SS18L1: variants seen among roughly 807,000 people sequenced by gnomAD.
SS18L1 encodes the protein calcium-responsive transactivator.
A neutral mutation model predicts 70.3 loss-of-function variants in SS18L1; 32 were observed. That is an observed-to-expected ratio of 0.46 (90% confidence interval 0.34 to 0.61). The LOEUF is 0.61. Ranked by LOEUF, SS18L1 falls within the 20% of genes least tolerant of loss-of-function variation. The probability of loss-of-function intolerance (pLI) is 0.01; values close to 1 mark genes in which losing one functional copy is unlikely to be tolerated. For synonymous variants in SS18L1, 237 were observed against 229.7 expected (o/e 1.03, Z -0.29); for missense variants, 430 against 542.1 (o/e 0.79, Z 2.05).
At chr20:62,154,232 C>T (rs2057182819) in intron 1 of SS18L1, 4 of 743,176 alleles carry the variant, frequency 5.4e-6, no homozygotes, top group Non-Finnish European at 6.7e-6. Context: ...GGGACCATGT[C>T]TGTTGAGAAC....
intron 1 of SS18L1, chr20:62,154,211 G>A (rs1331931496): frequency 3.6e-6 from 2 of 557,460 alleles, no homozygotes; most frequent in Non-Finnish European, 4.7e-6. Flanking sequence ...AAGGATTACT[G>A]GAAGGACCCT....
At position 62,180,507 on chromosome 20, in the gene SS18L1, C is replaced by T. The variant is rs2057689850; in HGVS notation, c.*1299C>T. The T allele has an allele frequency of 5.5e-6, 1 of 180,834 alleles. No individual in the cohort carries two copies. The highest frequency in any genetic ancestry group is 6.3e-5 in the Admixed American group (1 of 15,918). 11.2% of individuals were successfully genotyped at this position (180,834 alleles called of 1,614,324 possible). On this transcript the variant is annotated 3_prime_UTR_variant, in exon 11 of 11. Transcript: ENST00000331758. ...CTTTGGATAAATGCTGACAGATTTC[C>T]AAGAACTACCAAGAAAATACAAGAG... is the stretch of plus-strand genomic sequence containing the variant.
At chr20:62,173,292 C>G (rs1018156171) in intron 9 of SS18L1, among the ~76,000 whole-genome samples, 2 of 152,174 alleles carry the variant, frequency 1.3e-5, no homozygotes, top group Admixed American at 6.6e-5. Context: ...TGCCCCAGGT[C>G]TTTTGTTGGA....
intron 7 of SS18L1, among the ~76,000 whole-genome samples, chr20:62,165,175 C>T (rs2057404548): frequency 6.6e-6 from 1 of 152,256 alleles, no homozygotes; most frequent in Non-Finnish European, 1.5e-5. Flanking sequence ...ACTGAAAGCG[C>T]TGATCCTCTG....
At position 62,158,657 on chromosome 20, in the gene SS18L1, A is replaced by G. The variant is rs1400977713; in HGVS notation, c.70-15A>G. On this transcript the variant is annotated splice_polypyrimidine_tract_variant and intron_variant, in intron 1 of 10. Coordinates refer to ENST00000331758, the MANE Select transcript of SS18L1 (RefSeq NM_198935.3). The surrounding 1 kb of genome is among the most constrained non-coding windows in gnomAD (Gnocchi z 4.5). ...AGCCCCGCGTCGGCAGCGCCCGCTC[A>G]CGCTCTCTCCGCAGATGCTGGACGA... The G allele has an allele frequency of 3.7e-6, 6 of 1,611,720 alleles. No homozygotes were observed. The Admixed American group carries it at 6.7e-5, about 18-fold the overall frequency.
At chr20:62,166,546 C>T (rs1415366495) in intron 8 of SS18L1, among the ~76,000 whole-genome samples, 2 of 152,152 alleles carry the variant, frequency 1.3e-5, no homozygotes, top group Middle Eastern at 3.4e-3. Flanking sequence ...GTGTGCGCTA[C>T]GAATGCCTGC....
intron 8 of SS18L1, among the ~76,000 whole-genome samples, chr20:62,168,410 C>T (rs985430237): frequency 5.3e-5 from 8 of 152,128 alleles, no homozygotes; most frequent in Non-Finnish European, 1.2e-4. Context: ...GTCATAGCCA[C>T]CTTCAAACAC....
chr20:62,150,356 C>T (rs1412891817), intron 1 of SS18L1, among the ~76,000 whole-genome samples: 2 of 152,240 alleles, frequency 1.3e-5, no homozygotes, highest in African/African-American at 4.8e-5. Flanking sequence ...GCCCCGAGAA[C>T]AGGAGTGGCA....
Position 62,158,804 on chromosome 20 carries a change from C to T in SS18L1, c.146+56C>T, listed in dbSNP as rs2057270755. 8.7e-6 allele frequency: 14 copies of T among 1,612,492 alleles called. No homozygotes were observed. Among genetic ancestry groups the T allele is most frequent in the African/African-American group, 1.3e-5 (1 of 74,916 alleles). On this transcript the variant is annotated intron_variant, in intron 2 of 10. Transcript: ENST00000331758. This position sits in a 1 kb window ranked among gnomAD's most constrained non-coding sequence, Gnocchi z 4.5. The stretch of plus-strand genomic sequence containing the variant: ...GAGGGTGTCATGCAGAGTCTAAGCA[C>T]AGAGGCCAGATACGTCCCAAGAGTC...
In SS18L1 at chr20:62,163,564, C is replaced by G; in HGVS notation, c.663C>G (p.Ser221Arg). Reference protein sequence around the residue: ...QSSIAMMGQGSQGSSMMGQRP... With the variant: ...QSSIAMMGQGRQGSSMMGQRP... ...CCATCGCCATGATGGGGCAGGGCAGCCAGGGGAGCAGCATGATGGGGCAGC... is the reference window on the plus strand; with the variant it reads ...CCATCGCCATGATGGGGCAGGGCAGGCAGGGGAGCAGCATGATGGGGCAGC... The change falls in exon 6 of 11, where the codon AGC becomes AGG. Residue 221 changes from serine (S) to arginine (R), a missense_variant. Physicochemically the swap from Ser to Arg is moderately radical, Grantham distance 110. Transcript: ENST00000331758. 1 of 1,610,234 alleles carries G rather than the reference C, an allele frequency of 6.2e-7. No individual in the cohort carries two copies. Among genetic ancestry groups the G allele is most frequent in the Non-Finnish European group, 8.5e-7 (1 of 1,179,528 alleles).
In SS18L1 at chr20:62,143,856, CA is replaced by C; in HGVS notation, c.39del (p.Glu15ArgfsTer17). ...CCTTCGCGTCTGCCCGGCCAAGAGGCAAAGGGGAGGTTACGCAGCAAACCAT... is the reference window on the plus strand; with the variant it reads ...CCTTCGCGTCTGCCCGGCCAAGAGGCAAGGGGAGGTTACGCAGCAAACCAT... ...VAFASARPRG[K>X]GEVTQQTIQK... On this transcript the variant is annotated frameshift_variant, in exon 1 of 11. Coordinates refer to ENST00000331758, the MANE Select transcript of SS18L1 (RefSeq NM_198935.3). LOFTEE classifies it high-confidence loss of function. 1.5e-6 allele frequency: 2 copies of C among 1,312,522 alleles called. No individual in the cohort carries two copies. The highest frequency in any genetic ancestry group is 4.4e-5 in the East Asian group (1 of 22,654). 81.3% of individuals were successfully genotyped at this position (1,312,522 alleles called of 1,614,324 possible).
At chr20:62,179,126 T>G in intron 10 of SS18L1, 56 bp from the exon 11 acceptor site, 1 of 1,603,852 alleles carries the variant, frequency 6.2e-7, no homozygotes. Context: ...GGTGGACGTC[T>G]GTCTTCCTTT....
chr20:62,177,292 A>G (rs1208872183), intron 10 of SS18L1, among the ~76,000 whole-genome samples: 1 of 151,264 alleles, frequency 6.6e-6, no homozygotes, highest in Non-Finnish European at 1.5e-5. Flanking sequence ...AAAAAAAAAA[A>G]GGTGCTGAGG....
chr20:62,151,486 A>ACGTTGGGG (rs1318140313), intron 1 of SS18L1, among the ~76,000 whole-genome samples: 9 of 152,088 alleles, frequency 5.9e-5, no homozygotes, highest in Non-Finnish European at 1.0e-4. Flanking sequence ...CAACAGAGAC[A>ACGTTGGGG]CGTTGGGGCC....
At chr20:62,151,575 ACGAGCCC>A (rs1204716805) in intron 1 of SS18L1, among the ~76,000 whole-genome samples, 5 of 152,160 alleles carry the variant, frequency 3.3e-5, no homozygotes, top group Non-Finnish European at 7.4e-5. Context: ...TGCCCCAGCC[ACGAGCCC>A]AGCCAAGCCC....
At chr20:62,179,119 G>A (rs1398897157) in intron 10 of SS18L1, 63 bp from the exon 11 acceptor site, 1 of 1,585,860 alleles carries the variant, frequency 6.3e-7, no homozygotes, top group Non-Finnish European at 8.7e-7. Flanking sequence ...GGGCTGGGGT[G>A]GACGTCTGTC....
rs2057704778 is a variant in SS18L1 at position 62,181,327 on chromosome 20, T to C, written c.*2119T>C. On this transcript the variant is annotated 3_prime_UTR_variant, in exon 11 of 11. Coordinates refer to ENST00000331758, the MANE Select transcript of SS18L1 (RefSeq NM_198935.3). ...CAGTTAGGGAGTCATCTCCCTTGAT[T>C]GTGTTCTTTTCCTGTCAATTTTCAT... The C allele has an allele frequency of 4.8e-6, 1 of 208,868 alleles. No individual in the cohort carries two copies. The highest frequency in any genetic ancestry group is 1.9e-4 in the South Asian group (1 of 5,348). The allele number at this position is 208,868 out of a possible 1,614,324, so 12.9% of individuals were successfully genotyped here.
chr20:62,177,860 T>C (rs2057647059), intron 10 of SS18L1, among the ~76,000 whole-genome samples: 1 of 152,046 alleles, frequency 6.6e-6, no homozygotes, highest in Non-Finnish European at 1.5e-5. Flanking sequence ...TAGCTGGGAT[T>C]ACAAGCACGT....
At chr20:62,151,099 A>G (rs1294562774) in intron 1 of SS18L1, among the ~76,000 whole-genome samples, 1 of 152,064 alleles carries the variant, frequency 6.6e-6, no homozygotes, top group African/African-American at 2.4e-5. Context: ...CCAGGGCCCC[A>G]CACAGGTTGT....
Sources: gnomAD v4.1 joint callset for allele counts (sites outside exome capture counted in the v4.1 genomes callset) on GRCh38, gnomAD v4.1.1 for gene constraint, Gnocchi (gnomAD v3.1) non-coding constraint, MANE v1.5 for transcripts, NCBI Gene and HGNC (gene_info 2026-07-23, HGNC 2026-07-21) for gene names.